ATP8A2: variants seen among roughly 807,000 people sequenced by gnomAD.
ATP8A2 encodes the protein phospholipid-transporting ATPase IB.
ATP8A2 carries 100 observed loss-of-function variants against 165.6 expected under a neutral mutation model. That is an observed-to-expected ratio of 0.60 (90% CI 0.51 to 0.71). The LOEUF (loss-of-function observed/expected upper bound fraction) is 0.71, where lower values mean the gene tolerates loss of function less well. Among genes scored for constraint, ATP8A2 ranks in the 30% least tolerant of loss-of-function variants. ATP8A2 has a pLI of 0.00. For missense variants in ATP8A2, 1,227 were observed against 1,479.5 expected, an observed-to-expected ratio of 0.83 and a Z score of 2.80; for synonymous variants, 543 against 548.8, an observed-to-expected ratio of 0.99 and a Z score of 0.15.
In ATP8A2 at chr13:25,953,413, T is replaced by C. The variant is rs1955426311; in HGVS notation, c.3184-8162T>C. ...GCACGAAGAAATTTGAGCTTCCTTC[T>C]CCTCACAGGTGAACTGTTGCTGCTC... On this transcript the variant is annotated intron_variant, in intron 33 of 36. Coordinates refer to ENST00000381655, the MANE Select transcript of ATP8A2 (RefSeq NM_016529.6). The surrounding 1 kb of genome is among the most constrained non-coding windows in gnomAD (Gnocchi z 6.7). Among the ~76,000 whole-genome samples, 3 of 151,390 alleles carry C rather than the reference T, an allele frequency of 2.0e-5. No individual in the cohort carries two copies. Among genetic ancestry groups the C allele is most frequent in the Non-Finnish European group, 4.4e-5 (3 of 67,958 alleles).
chr13:25,955,476 C>T (rs531956713), intron 33 of ATP8A2, among the ~76,000 whole-genome samples: 50 of 152,116 alleles, frequency 3.3e-4, no homozygotes, highest in Non-Finnish European at 4.9e-4. Flanking sequence ...TACAAACTAC[C>T]GTCAGAGAAT....
In ATP8A2 at chr13:25,762,268, C is replaced by CAAAAAAAAAAA. The variant is rs59081934; in HGVS notation, c.2385-6760_2385-6750dup. On this transcript the variant is annotated intron_variant, in intron 25 of 36. Transcript: ENST00000381655. ...TGGGTGATGGAGTGAGACTCTGTCT[C>CAAAAAAAAAAA]AAAAAAAAAAAAAAAAAAAAAAAAA... Among the ~76,000 whole-genome samples the CAAAAAAAAAAA allele has an allele frequency of 1.9e-3, 80 of 41,304 alleles. 28 individuals carry two copies. Among genetic ancestry groups the CAAAAAAAAAAA allele is most frequent in the Middle Eastern group, 0.031 (1 of 32 alleles). The allele number at this position is 41,304 out of a possible 152,430, so 27.1% of individuals were successfully genotyped here.
intron 25 of ATP8A2, among the ~76,000 whole-genome samples, chr13:25,702,617 G>A (rs1367966914): frequency 6.6e-6 from 1 of 152,178 alleles, no homozygotes; most frequent in East Asian, 1.9e-4. Flanking sequence ...AGGAGACGTG[G>A]CCTTTGGTGT....
intron 35 of ATP8A2, among the ~76,000 whole-genome samples, chr13:25,997,050 C>T (rs1163647269): frequency 1.3e-5 from 2 of 152,208 alleles, no homozygotes; most frequent in African/African-American, 4.8e-5. Context: ...AACTCCTGAC[C>T]TCAAGTGATC....
intron 6 of ATP8A2, among the ~76,000 whole-genome samples, chr13:25,534,000 C>T (rs1380339308): frequency 2.0e-5 from 3 of 152,178 alleles, no homozygotes; most frequent in Non-Finnish European, 2.9e-5. Context: ...AGCCGATTAA[C>T]ATGATTTCAA....
intron 33 of ATP8A2, among the ~76,000 whole-genome samples, chr13:25,888,850 A>G (rs1953256534): frequency 6.6e-6 from 1 of 152,032 alleles, no homozygotes; most frequent in South Asian, 2.1e-4. Context: ...CAAGACGGAA[A>G]CTCTTGTCTC....
intron 33 of ATP8A2, among the ~76,000 whole-genome samples, chr13:25,888,068 A>AC (rs71080210): frequency 0.15 from 16,083 of 105,412 alleles, 1,171 homozygotes; most frequent in Non-Finnish European, 0.18. Context: ...AAGAACCCAG[A>AC]CCCCCCCCCC....
Position 25,826,478 on chromosome 13 carries a change from T to C in ATP8A2, c.2680-1640T>C, listed in dbSNP as rs74970890. ...GTACCAAGTATCATACTGGATACAG[T>C]AGTGCACAGAGCAGCATGGGGAAGA... On this transcript the variant is annotated intron_variant, in intron 27 of 36. Transcript: ENST00000381655. Among the ~76,000 whole-genome samples, 1,407 of 152,278 alleles carry C rather than the reference T, an allele frequency of 9.2e-3. 20 individuals are homozygous for C. Among genetic ancestry groups the C allele is most frequent in the African/African-American group, 0.032 (1,341 of 41,560 alleles).
At position 25,937,362 on chromosome 13, in the gene ATP8A2, C is replaced by CTTTCTTTCTTTCTTTTTTTTTT; in HGVS notation, c.3184-24210_3184-24209insCTTTCTTTCTTTTTTTTTTTTT. 3.1e-3 allele frequency among the ~76,000 whole-genome samples: 122 copies of CTTTCTTTCTTTCTTTTTTTTTT among 38,770 alleles called. 3 individuals are homozygous for CTTTCTTTCTTTCTTTTTTTTTT. The highest frequency in any genetic ancestry group is 8.0e-3 in the African/African-American group (117 of 14,692). The allele number at this position is 38,770 out of a possible 152,430, so 25.4% of individuals were successfully genotyped here. On this transcript the variant is annotated intron_variant, in intron 33 of 36. Coordinates refer to ENST00000381655, the MANE Select transcript of ATP8A2 (RefSeq NM_016529.6). ...TGCTTTGTCTTTCTATTCTTTCTTTCTTTTTTTTTTTTTTTTTGAACAGCC... is the reference window on the plus strand; with the variant it reads ...TGCTTTGTCTTTCTATTCTTTCTTTCTTTCTTTCTTTCTTTTTTTTTTTTTTTTTTTTTTTTTTTGAACAGCC...
chr13:25,654,997 A>C (rs2041896422), intron 24 of ATP8A2, among the ~76,000 whole-genome samples: 2 of 152,126 alleles, frequency 1.3e-5, no homozygotes, highest in Admixed American at 6.5e-5. Context: ...CAGGTGGAAA[A>C]AGACTGGGTT....
At chr13:25,924,410 C>G (rs1024930045) in intron 33 of ATP8A2, among the ~76,000 whole-genome samples, 1 of 152,164 alleles carries the variant, frequency 6.6e-6, no homozygotes, top group Non-Finnish European at 1.5e-5. Context: ...TGGCAATCTT[C>G]TGCATTCCTT....
intron 2 of ATP8A2, among the ~76,000 whole-genome samples, chr13:25,481,217 C>CA (rs1422776943): frequency 6.6e-6 from 1 of 151,858 alleles, no homozygotes; most frequent in African/African-American, 2.4e-5. Flanking sequence ...GGGACAGGGA[C>CA]AGGGACAGGG....
rs138187714 is a variant in ATP8A2, at chr13:25,755,615, A to G, written c.2385-13431A>G. Among the ~76,000 whole-genome samples, 1,242 of 152,316 alleles carry G rather than the reference A, an allele frequency of 8.2e-3. 24 individuals are homozygous for G. Among genetic ancestry groups the G allele is most frequent in the African/African-American group, 0.028 (1,183 of 41,566 alleles). ...TATAATATAATAGGTTGATATATAA[A>G]GAAACCCCAGGCCGAGCACGGTGGC... On this transcript the variant is annotated intron_variant, in intron 25 of 36. Transcript: ENST00000381655.
At chr13:25,705,844 A>G (rs1033477955) in intron 25 of ATP8A2, among the ~76,000 whole-genome samples, 2 of 152,222 alleles carry the variant, frequency 1.3e-5, no homozygotes, top group Admixed American at 6.5e-5. Flanking sequence ...ACAATATGCA[A>G]AGTTAAAGGT....
At chr13:25,600,636 C>A (rs1016964646) in intron 24 of ATP8A2, among the ~76,000 whole-genome samples, 1 of 152,170 alleles carries the variant, frequency 6.6e-6, no homozygotes, top group East Asian at 1.9e-4. Context: ...CCACTGCCAA[C>A]GTCCTGGCAT....
At chr13:25,428,170 T>G (rs771690023) in intron 1 of ATP8A2, among the ~76,000 whole-genome samples, 1 of 145,934 alleles carries the variant, frequency 6.9e-6, no homozygotes, top group Non-Finnish European at 1.5e-5. Flanking sequence ...GGTGACAGAG[T>G]AAGACCCTGT....
chr13:25,445,850 G>C (rs1217819073), intron 1 of ATP8A2, among the ~76,000 whole-genome samples: 4 of 152,066 alleles, frequency 2.6e-5, no homozygotes, highest in South Asian at 4.2e-4. Flanking sequence ...ACCCAGTGGT[G>C]GTCATCCAGT....
chr13:25,459,716 G>C (rs1312290016), intron 1 of ATP8A2, among the ~76,000 whole-genome samples: 1 of 152,154 alleles, frequency 6.6e-6, no homozygotes, highest in Non-Finnish European at 1.5e-5. Flanking sequence ...TGACATTCTA[G>C]GTGAAGAAAA....
chr13:25,747,974 TC>T (rs2044070692), intron 25 of ATP8A2, among the ~76,000 whole-genome samples: 1 of 152,232 alleles, frequency 6.6e-6, no homozygotes, highest in Non-Finnish European at 1.5e-5. Context: ...AAAAATTCAT[TC>T]AGCCAATCAT....
Sources: gnomAD v4.1 joint callset for allele counts (sites outside exome capture counted in the v4.1 genomes callset) on GRCh38, gnomAD v4.1.1 for gene constraint, Gnocchi (gnomAD v3.1) non-coding constraint, MANE v1.5 for transcripts, NCBI Gene and HGNC (gene_info 2026-07-23, HGNC 2026-07-21) for gene names.